PDK1: variants seen among roughly 807,000 people sequenced by gnomAD.
The protein encoded by PDK1 is [Pyruvate dehydrogenase (acetyl-transferring)] kinase isozyme 1, mitochondrial.
PDK1 carries 39 observed loss-of-function variants against 54.2 expected under a neutral mutation model. That is an observed-to-expected ratio of 0.72 (90% CI 0.56 to 0.94). The LOEUF is 0.94. PDK1 is among the 40% of genes least tolerant of loss of function. PDK1 has a pLI of 0.00. For missense variants in PDK1, 552 were observed against 566.0 expected (o/e 0.98, Z 0.25); for synonymous variants, 221 against 207.1 (o/e 1.07, Z -0.58).
chr2:172,604,019 T>A lies in PDK1; in HGVS notation c.*8050T>A, dbSNP rs1691200891. ...GATTTGGATTGTGATGTGTTAAATT[T>A]CTAGACCAATTTGAGGAGAATTTAA... On this transcript the variant is annotated 3_prime_UTR_variant, in exon 11 of 11. Transcript: ENST00000282077. 1 of 152,228 alleles carries A rather than the reference T, an allele frequency of 6.6e-6. No homozygotes were observed. Among genetic ancestry groups the A allele is most frequent in the African/African-American group, 2.4e-5 (1 of 41,454 alleles). 9.4% of individuals were successfully genotyped at this position (152,228 alleles called of 1,614,324 possible).
the PDK1 span, among the ~76,000 whole-genome samples, chr2:172,668,489 C>A: frequency 6.6e-6 from 1 of 151,650 alleles, no homozygotes; most frequent in African/African-American, 2.4e-5. Context: ...TAATTTTGAA[C>A]TCAAGTGGCC....
the PDK1 span, among the ~76,000 whole-genome samples, chr2:172,683,767 A>G: frequency 6.6e-6 from 1 of 152,172 alleles, no homozygotes; most frequent in Admixed American, 6.5e-5. Context: ...AGAGGTTGGG[A>G]AAATAGGGAG....
Position 172,605,291 on chromosome 2 carries a change from T to C in PDK1, c.*9322T>C, listed in dbSNP as rs145482472. ...ACTGGAGGCCTCTGGGTGGGACACA[T>C]AGGCGTTCAAGAGCCTCTGAGCTTA... On this transcript the variant is annotated 3_prime_UTR_variant, in exon 11 of 11. Coordinates refer to ENST00000282077, the MANE Select transcript of PDK1 (RefSeq NM_002610.5). The C allele has an allele frequency of 0.016, 2,368 of 151,902 alleles. 25 individuals carry two copies. Among genetic ancestry groups the C allele is most frequent in the South Asian group, 0.049 (234 of 4,822 alleles). The allele number at this position is 151,902 out of a possible 1,614,324, so 9.4% of individuals were successfully genotyped here.
the PDK1 span, among the ~76,000 whole-genome samples, chr2:172,717,132 A>G: frequency 6.6e-6 from 1 of 152,230 alleles, no homozygotes; most frequent in African/African-American, 2.4e-5. Context: ...AAATGATGGT[A>G]TCTCACATCC....
In PDK1 at chr2:172,608,647, A is replaced by T. The variant is rs1475057951; in HGVS notation, c.*12678A>T. The T allele has an allele frequency of 1.3e-5, 2 of 152,110 alleles. No homozygotes were observed. Among genetic ancestry groups the T allele is most frequent in the African/African-American group, 4.8e-5 (2 of 41,418 alleles). 9.4% of individuals were successfully genotyped at this position (152,110 alleles called of 1,614,324 possible). ...TTATTCCATTTTCTTCTGTTTGATT[A>T]AAATCCTGCATGTTCTCCTGCATCA... On this transcript the variant is annotated 3_prime_UTR_variant, in exon 11 of 11. Coordinates refer to ENST00000282077, the MANE Select transcript of PDK1 (RefSeq NM_002610.5).
At chr2:172,589,234 G>A (rs747004545) in intron 9 of PDK1, among the ~76,000 whole-genome samples, 5 of 152,202 alleles carry the variant, frequency 3.3e-5, no homozygotes, top group Admixed American at 6.5e-5. Context: ...TTAATGTATC[G>A]CTCAGAGTCA....
At chr2:172,667,735 A>T in the PDK1 span, among the ~76,000 whole-genome samples, 1 of 152,338 alleles carries the variant, frequency 6.6e-6, no homozygotes, top group Non-Finnish European at 1.5e-5. Context: ...CTAAGTACAC[A>T]TATTACAATT....
the PDK1 span, among the ~76,000 whole-genome samples, chr2:172,696,268 C>T: frequency 6.6e-6 from 1 of 151,748 alleles, no homozygotes; most frequent in African/African-American, 2.4e-5. Context: ...ACCTTGATTA[C>T]TGACTTGTGA....
chr2:172,683,344 CAA>C, the PDK1 span, among the ~76,000 whole-genome samples: 18,124 of 129,958 alleles, frequency 0.14, 1,210 homozygotes, highest in South Asian at 0.22. Context: ...GAAACTCCGT[CAA>C]AAAAAAAAAA....
chr2:172,688,469 G>A, the PDK1 span, among the ~76,000 whole-genome samples: 1 of 152,194 alleles, frequency 6.6e-6, no homozygotes, highest in African/African-American at 2.4e-5. Context: ...GCTGGGTGGT[G>A]TGTGAACCAG....
At chr2:172,709,523 A>T in the PDK1 span, among the ~76,000 whole-genome samples, 1 of 152,214 alleles carries the variant, frequency 6.6e-6, no homozygotes. Flanking sequence ...GCTTAATTTC[A>T]GCAAACTTTT....
chr2:172,641,852 A>G, the PDK1 span, among the ~76,000 whole-genome samples: 3 of 152,154 alleles, frequency 2.0e-5, no homozygotes, highest in Non-Finnish European at 4.4e-5. Context: ...TCTGGTTTCT[A>G]CAACCTGCCT....
Position 172,604,067 on chromosome 2 carries a change from C to G in PDK1, c.*8098C>G, listed in dbSNP as rs1196921328. 6.6e-6 allele frequency: 1 copy of G among 152,166 alleles called. No homozygotes were observed. The highest frequency in any genetic ancestry group is 1.5e-5 in the Non-Finnish European group (1 of 68,030). 9.4% of individuals were successfully genotyped at this position (152,166 alleles called of 1,614,324 possible). ...TAACAATAGCTTTTCAATTTATGAA[C>G]ATGGCGTATATCTTTTTTGGCGGGG... On this transcript the variant is annotated 3_prime_UTR_variant, in exon 11 of 11. Coordinates refer to ENST00000282077, the MANE Select transcript of PDK1 (RefSeq NM_002610.5).
rs1179182361 is a variant in PDK1 at position 172,596,710 on chromosome 2, A to C, written c.*741A>C. 6.6e-6 allele frequency: 1 copy of C among 152,232 alleles called. No individual in the cohort carries two copies. Among genetic ancestry groups the C allele is most frequent in the Non-Finnish European group, 1.5e-5 (1 of 68,040 alleles). 9.4% of individuals were successfully genotyped at this position (152,232 alleles called of 1,614,324 possible). A position where few individuals can be genotyped will look rare whatever the true frequency, so the allele number is the denominator to read the frequency against. ...ATAGAGAAGAAATTGAGGGCAAAGT[A>C]ATATGTCTCCAAAACTGAACTGATT... is the stretch of plus-strand genomic sequence containing the variant. On this transcript the variant is annotated 3_prime_UTR_variant, in exon 11 of 11. Transcript: ENST00000282077.
At chr2:172,639,225 A>AAAG in the PDK1 span, among the ~76,000 whole-genome samples, 4 of 152,122 alleles carry the variant, frequency 2.6e-5, no homozygotes, top group Non-Finnish European at 5.9e-5. Flanking sequence ...TTTTGGAGCA[A>AAAG]AAGGGTTCAC....
At chr2:172,622,348 G>GTGAGATATGTTTATATCATATATTA in the PDK1 span, among the ~76,000 whole-genome samples, 1 of 92,804 alleles carries the variant, frequency 1.1e-5, no homozygotes, top group African/African-American at 6.4e-5. Context: ...CTCATATATT[G>GTGAGATATGTTTATATCATATATTA]TGTGAGATAT....
At chr2:172,699,965 A>G in the PDK1 span, among the ~76,000 whole-genome samples, 1 of 152,100 alleles carries the variant, frequency 6.6e-6, no homozygotes, top group Non-Finnish European at 1.5e-5. Flanking sequence ...GACTCTTAAC[A>G]AGCATGCTGC....
At chr2:172,585,710 A>G (rs1204069121) in intron 8 of PDK1, among the ~76,000 whole-genome samples, 1 of 152,140 alleles carries the variant, frequency 6.6e-6, no homozygotes, top group Non-Finnish European at 1.5e-5. Context: ...GTTCTGTGCT[A>G]TAATGCACTG....
At chr2:172,674,642 C>T in the PDK1 span, 2 of 152,328 alleles carry the variant, frequency 1.3e-5, no homozygotes, top group African/African-American at 2.4e-5. Flanking sequence ...ATCAGAACTT[C>T]CCGATGAAGA....
Sources: allele counts gnomAD v4.1 joint callset (sites outside exome capture counted in the v4.1 genomes callset), GRCh38; gene constraint gnomAD v4.1.1; transcripts MANE v1.5; gene names NCBI Gene and HGNC (gene_info 2026-07-23, HGNC 2026-07-21).